CPXM2: variants seen among roughly 807,000 people sequenced by gnomAD.
CPXM2 encodes the protein inactive carboxypeptidase-like protein X2.
CPXM2 carries 66 observed loss-of-function variants against 86.1 expected under a neutral mutation model. The ratio of observed to expected loss-of-function variants is 0.77; its 90% CI spans 0.63 to 0.94. The LOEUF is 0.94. CPXM2 is among the 40% of genes least tolerant of loss of function. The pLI, the probability that CPXM2 is intolerant of heterozygous loss-of-function variation, is 0.00. For synonymous variants in CPXM2, 388 were observed against 400.2 expected (o/e 0.97, Z 0.36); for missense variants, 948 against 1,026.3 (o/e 0.92, Z 1.04).
At chr10:123,794,760 TGTGTGTGTGC>T (rs1403207022) in intron 6 of CPXM2, among the ~76,000 whole-genome samples, 5 of 151,318 alleles carry the variant, frequency 3.3e-5, no homozygotes, top group African/African-American at 7.3e-5. Flanking sequence ...TGTGTGTGTG[TGTGTGTGTGC>T]GCATGTGTGT....
intron 4 of CPXM2, among the ~76,000 whole-genome samples, chr10:123,840,203 C>G (rs551934277): frequency 1.3e-5 from 2 of 152,288 alleles, no homozygotes; most frequent in African/African-American, 4.8e-5. Context: ...TCTTGAGCAA[C>G]CCAACTGCCC....
At chr10:123,784,239 C>T (rs1847000236) in intron 6 of CPXM2, among the ~76,000 whole-genome samples, 1 of 152,150 alleles carries the variant, frequency 6.6e-6, no homozygotes, top group South Asian at 2.1e-4. Context: ...ATTTACAAGC[C>T]AAGGGATGTC....
chr10:123,791,425 G>A (rs1847204270), intron 6 of CPXM2, among the ~76,000 whole-genome samples: 1 of 152,172 alleles, frequency 6.6e-6, no homozygotes, highest in Admixed American at 6.5e-5. Flanking sequence ...TCATGGTTCT[G>A]AAGGATAGAG....
At chr10:123,782,386 A>C (rs2134032424) in intron 6 of CPXM2, among the ~76,000 whole-genome samples, 1 of 152,332 alleles carries the variant, frequency 6.6e-6, no homozygotes, top group East Asian at 1.9e-4. Context: ...CAAGGTTCTC[A>C]AAAAGGATTG....
chr10:123,750,425 A>G, intron 13 of CPXM2: 1 of 980,710 alleles, frequency 1.0e-6, no homozygotes, highest in Non-Finnish European at 1.2e-6. Context: ...CTTTGCAATT[A>G]CTGTTCCCTC....
chr10:123,747,246 G>A lies in CPXM2; in HGVS notation c.2018-229C>T, dbSNP rs545075523. ...CAGGGAGGGGAGGTATAGGCTCCCCGCAGTGTCAATACACAGGAGCAAAGC... is the reference window on the plus strand; with the variant it reads ...CAGGGAGGGGAGGTATAGGCTCCCCACAGTGTCAATACACAGGAGCAAAGC... On this transcript the variant is annotated intron_variant, in intron 13 of 13. Coordinates refer to ENST00000241305, the MANE Select transcript of CPXM2 (RefSeq NM_198148.3). Among the ~76,000 whole-genome samples the A allele has an allele frequency of 4.5e-4, 68 of 152,302 alleles. 1 individual carries two copies. The highest frequency in any genetic ancestry group is 1.5e-3 in the African/African-American group (63 of 41,568).
Position 123,891,630 on chromosome 10 carries a change from C to T in CPXM2, c.30G>A (p.Ala10=), listed in dbSNP as rs902423145. Reference sequence around the variant, plus strand: ...TCACTGCCAGGAGCACCAGGGCCAGCGCTGGGGTAGCGGTCCCCGGGCGGG... The same window carrying T: ...TCACTGCCAGGAGCACCAGGGCCAGTGCTGGGGTAGCGGTCCCCGGGCGGG... The part of the protein sequence containing the change: MSRPGTATP[A]LALVLLAVTL... Residue 10 remains alanine, a synonymous_variant, in exon 1 of 14, where the codon GCG becomes GCA. Transcript: ENST00000241305. This position sits in a 1 kb window ranked among gnomAD's most constrained non-coding sequence, Gnocchi z 5.6. The T allele has an allele frequency of 2.0e-6, 3 of 1,469,424 alleles. No individual in the cohort carries two copies. The highest frequency in any genetic ancestry group is 2.8e-5 in the South Asian group (2 of 72,380). 91.0% of individuals were successfully genotyped at this position (1,469,424 alleles called of 1,614,324 possible).
At chr10:123,882,165 C>A (rs1473026790) in intron 1 of CPXM2, among the ~76,000 whole-genome samples, 3 of 152,188 alleles carry the variant, frequency 2.0e-5, no homozygotes, top group Non-Finnish European at 2.9e-5. Flanking sequence ...CCAAAGGAAA[C>A]CCCCCTTTTT....
At chr10:123,759,688 T>C (rs2362673) in intron 11 of CPXM2, among the ~76,000 whole-genome samples, 141,007 of 152,266 alleles carry the variant, frequency 0.93, 65,520 homozygotes, top group Non-Finnish European at 0.95. Flanking sequence ...GACTGGCATC[T>C]TTCTCTTGTC....
rs530259494 is a variant in CPXM2 at position 123,908,722 on chromosome 10, G to A, written n.175-28413C>T. Among the ~76,000 whole-genome samples the A allele has an allele frequency of 1.1e-4, 16 of 152,288 alleles. No homozygotes were observed. In the South Asian group the frequency reaches 3.3e-3, roughly 32 times the overall value. Reference sequence around the variant, plus strand: ...GGAGGTGGGCAGGATCTATCCATGTGTTCAAGTTCACTGCAGCTTTAAACA... The same window carrying A: ...GGAGGTGGGCAGGATCTATCCATGTATTCAAGTTCACTGCAGCTTTAAACA... On this transcript the variant is annotated intron_variant and non_coding_transcript_variant, in intron 2 of 19. Coordinates refer to the CPXM2 transcript ENST00000368854.
chr10:123,808,389 C>CAACAACAACAAA (rs1248953847), intron 4 of CPXM2, among the ~76,000 whole-genome samples: 1 of 150,872 alleles, frequency 6.6e-6, no homozygotes, highest in African/African-American at 2.5e-5. Context: ...ACAACAACAA[C>CAACAACAACAAA]AACCAGCTGT....
intron 2 of CPXM2, among the ~76,000 whole-genome samples, chr10:123,932,405 G>A (rs1945673556): frequency 6.6e-6 from 1 of 152,220 alleles, no homozygotes. Flanking sequence ...TGACCAGTGG[G>A]ACCTGGAGCC....
chr10:123,854,454 A>G (rs563658955), intron 3 of CPXM2, among the ~76,000 whole-genome samples: 1 of 131,160 alleles, frequency 7.6e-6, no homozygotes, highest in Admixed American at 8.5e-5. Flanking sequence ...TATATATAAT[A>G]TATATAATAT....
At chr10:123,800,660 C>T (rs565395705) in intron 4 of CPXM2, among the ~76,000 whole-genome samples, 5 of 151,404 alleles carry the variant, frequency 3.3e-5, no homozygotes, top group Admixed American at 1.3e-4. Context: ...GGAAACCCCT[C>T]GGTCAAGAGA....
chr10:123,755,982 C>T (rs2362674), intron 12 of CPXM2, among the ~76,000 whole-genome samples: 122,368 of 152,158 alleles, frequency 0.8, 50,064 homozygotes, highest in South Asian at 0.91. Context: ...GAAGGAAAAA[C>T]AGACTCACAC....
chr10:123,902,275 C>G (rs1202345939), intron 2 of CPXM2, among the ~76,000 whole-genome samples: 1 of 152,198 alleles, frequency 6.6e-6, no homozygotes, highest in Non-Finnish European at 1.5e-5. Flanking sequence ...CTGAGCGCCT[C>G]CCATTCTGAC....
intron 2 of CPXM2, among the ~76,000 whole-genome samples, chr10:123,864,427 G>A (rs1211514576): frequency 6.6e-6 from 1 of 152,210 alleles, no homozygotes; most frequent in African/African-American, 2.4e-5. Flanking sequence ...ACCAGGCACA[G>A]GTCCTGTCCC....
Position 123,751,798 on chromosome 10 carries a change from C to T in CPXM2, c.2017+2865G>A, listed in dbSNP as rs531286105. The stretch of plus-strand genomic sequence containing the variant: ...AGAACCGAAAGATTCTGAAACAGAA[C>T]AAAGAGCCGTGTGTAAAGTATGGAG... On this transcript the variant is annotated intron_variant, in intron 13 of 13. Transcript: ENST00000241305. 19 of 985,354 alleles carry T rather than the reference C, an allele frequency of 1.9e-5. No individual in the cohort carries two copies. The African/African-American group carries it at 3.1e-4, about 16-fold the overall frequency. The allele number at this position is 985,354 out of a possible 1,614,324, so 61.0% of individuals were successfully genotyped here.
chr10:123,874,808 T>C (rs1421262665), intron 2 of CPXM2, among the ~76,000 whole-genome samples: 1 of 152,204 alleles, frequency 6.6e-6, no homozygotes, highest in African/African-American at 2.4e-5. Flanking sequence ...ATGTCTCCCC[T>C]GTAAGTGGAC....
Sources: gnomAD v4.1 joint callset for allele counts (sites outside exome capture counted in the v4.1 genomes callset) on GRCh38, gnomAD v4.1.1 for gene constraint, Gnocchi (gnomAD v3.1) non-coding constraint, MANE v1.5 for transcripts, NCBI Gene and HGNC (gene_info 2026-07-23, HGNC 2026-07-21) for gene names.